CA12: variants seen among roughly 807,000 people sequenced by gnomAD.
The protein encoded by CA12 is carbonate dehydratase XII.
A neutral mutation model predicts 46.8 loss-of-function variants in CA12; 36 were observed. The ratio of observed to expected loss-of-function variants is 0.77; its 90% CI spans 0.59 to 1.02. The LOEUF (loss-of-function observed/expected upper bound fraction) is 1.02. CA12 is among the 50% of genes least tolerant of loss of function. The probability of loss-of-function intolerance (pLI) is 0.00; values close to 1 mark genes in which losing one functional copy is unlikely to be tolerated. For missense variants in CA12, 436 were observed against 451.4 expected, an observed-to-expected ratio of 0.97 and a Z score of 0.31; for synonymous variants, 202 against 187.0, an observed-to-expected ratio of 1.08 and a Z score of -0.65.
At chr15:63,377,927 T>C (rs2039597355) in intron 1 of CA12, among the ~76,000 whole-genome samples, 1 of 152,208 alleles carries the variant, frequency 6.6e-6, no homozygotes, top group African/African-American at 2.4e-5. Context: ...TCCTGACCAA[T>C]ATCATATTCC....
chr15:63,349,146 T>C (rs1013401233), intron 2 of CA12, among the ~76,000 whole-genome samples: 1 of 151,364 alleles, frequency 6.6e-6, no homozygotes, highest in African/African-American at 2.4e-5. Flanking sequence ...TTCGTGCAAA[T>C]GGTGGGGGTG....
chr15:63,371,463 G>A (rs1056483377), intron 2 of CA12, among the ~76,000 whole-genome samples: 2 of 152,292 alleles, frequency 1.3e-5, no homozygotes, highest in East Asian at 3.9e-4. Flanking sequence ...AGCATGTGCG[G>A]CCACAGCCAC....
In CA12 at chr15:63,381,763, C is replaced by A; in HGVS notation, c.-43G>T. The A allele has an allele frequency of 1.4e-6, 2 of 1,379,766 alleles. No homozygotes were observed. Among genetic ancestry groups the A allele is most frequent in the East Asian group, 2.7e-5 (1 of 37,170 alleles). 85.5% of individuals were successfully genotyped at this position (1,379,766 alleles called of 1,614,324 possible). On this transcript the variant is annotated 5_prime_UTR_variant, in exon 1 of 11. Transcript: ENST00000178638. Reference sequence around the variant, plus strand: ...GGGCGGGCGCGGGCTGTGCCGGGGGCTCCCGGTGGCCGCTCGCTCTCCAGC... The same window carrying A: ...GGGCGGGCGCGGGCTGTGCCGGGGGATCCCGGTGGCCGCTCGCTCTCCAGC...
intron 8 of CA12, among the ~76,000 whole-genome samples, chr15:63,332,103 G>C (rs879891709): frequency 1.2e-4 from 18 of 152,158 alleles, no homozygotes; most frequent in Non-Finnish European, 2.2e-4. Flanking sequence ...TCAGGGGTTT[G>C]ATAGTTTAAA....
At chr15:63,368,283 T>C (rs1378371886) in intron 2 of CA12, among the ~76,000 whole-genome samples, 2 of 152,230 alleles carry the variant, frequency 1.3e-5, no homozygotes, top group African/African-American at 4.8e-5. Context: ...TCTCTCTTTC[T>C]TGGCCTGGTG....
At chr15:63,356,632 C>T (rs920515702) in intron 2 of CA12, among the ~76,000 whole-genome samples, 4 of 151,468 alleles carry the variant, frequency 2.6e-5, no homozygotes, top group African/African-American at 9.7e-5. Context: ...AAGCGATTCT[C>T]GTGCCTCAGC....
At chr15:63,377,647 G>A (rs1310740587) in intron 1 of CA12, among the ~76,000 whole-genome samples, 1 of 152,176 alleles carries the variant, frequency 6.6e-6, no homozygotes, top group Admixed American at 6.5e-5. Flanking sequence ...CTACAAAGCT[G>A]TGTAACAAAA....
At position 63,381,649 on chromosome 15, in the gene CA12, C is replaced by T. The variant is rs777871979; in HGVS notation, c.72G>A (p.Pro24=). The part of the protein sequence containing the change: ...LVILKEQPSS[P]APVNGSKWTY... ...CGGAAACTTTACCGTTCACTGGGGC[C>T]GGGCTGGAAGGCTGTTCCTTTAAGA... The change falls in exon 1 of 11, where the codon CCG becomes CCA. Residue 24 remains proline, a synonymous_variant. Coordinates refer to ENST00000178638, the MANE Select transcript of CA12 (RefSeq NM_001218.5). 3 of 1,611,464 alleles carry T rather than the reference C, an allele frequency of 1.9e-6. No homozygotes were observed. In the Admixed American group the frequency reaches 5.0e-5, roughly 27 times the overall value.
At position 63,333,307 on chromosome 15, in the gene CA12, A is replaced by G. The variant is rs558360969; in HGVS notation, c.875-5177T>C. 6.7e-4 allele frequency among the ~76,000 whole-genome samples: 102 copies of G among 152,222 alleles called. No homozygotes were observed. In the South Asian group the frequency reaches 0.02, roughly 30 times the overall value. ...AGCCGTCTGCCCAGCCCCTTTTCCC[A>G]TTGTCTTTCCTGAACATAGTCTGCC... On this transcript the variant is annotated intron_variant, in intron 8 of 10. Transcript: ENST00000178638.
chr15:63,349,847 G>A (rs528491918), intron 2 of CA12, among the ~76,000 whole-genome samples: 9 of 152,188 alleles, frequency 5.9e-5, no homozygotes, highest in African/African-American at 2.2e-4. Context: ...GCCCTCACAT[G>A]TTTACTAAGC....
chr15:63,346,323 C>A (rs1036430524), intron 3 of CA12, among the ~76,000 whole-genome samples: 2 of 152,144 alleles, frequency 1.3e-5, no homozygotes, highest in East Asian at 3.9e-4. Context: ...CTGGGAAGTG[C>A]GGCCCTGGCA....
At chr15:63,370,527 C>T (rs550797155) in intron 2 of CA12, among the ~76,000 whole-genome samples, 3 of 151,974 alleles carry the variant, frequency 2.0e-5, no homozygotes, top group African/African-American at 7.2e-5. Flanking sequence ...AATCCCACCA[C>T]TTTGGGAGGC....
intron 1 of CA12, among the ~76,000 whole-genome samples, chr15:63,379,240 G>C (rs2039614123): frequency 6.6e-6 from 1 of 152,110 alleles, no homozygotes; most frequent in African/African-American, 2.4e-5. Flanking sequence ...TGTCTGGAGG[G>C]GCTCAGGAGC....
chr15:63,348,438 C>T lies in CA12; in HGVS notation c.107-1729G>A, dbSNP rs1022030339. ...GCCAAACCGAATGCTTTAGGGGCAG[C>T]GGGGAGCAGAATGAAGCAACCGTGA... is the stretch of plus-strand genomic sequence containing the variant. On this transcript the variant is annotated intron_variant, in intron 2 of 10. Coordinates refer to ENST00000178638, the MANE Select transcript of CA12 (RefSeq NM_001218.5). This position sits in a 1 kb window ranked among gnomAD's most constrained non-coding sequence, Gnocchi z 4.6. Among the ~76,000 whole-genome samples, 5 of 152,082 alleles carry T rather than the reference C, an allele frequency of 3.3e-5. No individual in the cohort carries two copies. The highest frequency in any genetic ancestry group is 1.3e-4 in the Admixed American group (2 of 15,278).
At chr15:63,336,539 C>A (rs1457241308) in intron 8 of CA12, among the ~76,000 whole-genome samples, 1 of 145,476 alleles carries the variant, frequency 6.9e-6, no homozygotes, top group African/African-American at 2.6e-5. Context: ...CTAATCCAAC[C>A]TGGCTTTTTT....
At chr15:63,379,189 G>C (rs1341836768) in intron 1 of CA12, 1 of 152,196 alleles carries the variant, frequency 6.6e-6, no homozygotes, top group Non-Finnish European at 1.5e-5. Context: ...GAGTGAGCTG[G>C]CTTGGGACTC....
At chr15:63,358,000 T>G (rs2039314943) in intron 2 of CA12, among the ~76,000 whole-genome samples, 1 of 152,258 alleles carries the variant, frequency 6.6e-6, no homozygotes, top group Non-Finnish European at 1.5e-5. Context: ...TTCCTTCCTA[T>G]GCAATAAAAA....
intron 8 of CA12, among the ~76,000 whole-genome samples, chr15:63,332,448 C>T (rs1023054106): frequency 2.0e-5 from 3 of 152,230 alleles, no homozygotes; most frequent in African/African-American, 4.8e-5. Flanking sequence ...GCAGACAGCA[C>T]GTTGCTCTGA....
At chr15:63,375,705 A>C (rs752010096) in intron 1 of CA12, 27 bp from the exon 2 acceptor site, 1 of 1,563,438 alleles carries the variant, frequency 6.4e-7, no homozygotes, top group East Asian at 2.2e-5. Context: ...ACAGTAAGTA[A>C]GTACAATGGA....
Sources: gnomAD v4.1 joint callset for allele counts (sites outside exome capture counted in the v4.1 genomes callset) on GRCh38, gnomAD v4.1.1 for gene constraint, Gnocchi (gnomAD v3.1) non-coding constraint, MANE v1.5 for transcripts, NCBI Gene and HGNC (gene_info 2026-07-23, HGNC 2026-07-21) for gene names.